The following CFH variants were observed in gnomAD, a reference collection of about 807,000 sequenced individuals.
CFH encodes the protein complement factor H, also known as H factor 1 (complement).
CFH carries 53 observed loss-of-function variants against 147.3 expected under a neutral mutation model. That is an observed-to-expected ratio of 0.36 (90% confidence interval 0.29 to 0.45). The LOEUF (loss-of-function observed/expected upper bound fraction) is 0.45. Ranked by LOEUF, CFH falls within the 20% of genes least tolerant of loss-of-function variation. CFH has a pLI of 1.00. For synonymous variants in CFH, 536 were observed against 489.4 expected (o/e 1.10, Z -1.26); for missense variants, 1,380 against 1,498.0 (o/e 0.92, Z 1.30).
intron 6 of CFH, among the ~76,000 whole-genome samples, chr1:196,682,594 AG>A (rs970644051): frequency 9.9e-5 from 15 of 151,564 alleles, no homozygotes; most frequent in Admixed American, 7.9e-4. Context: ...CTATATCATA[AG>A]GAAAAATAAT....
intron 11 of CFH, among the ~76,000 whole-genome samples, chr1:196,723,262 T>C (rs1009837038): frequency 2.0e-5 from 3 of 152,136 alleles, no homozygotes; most frequent in Non-Finnish European, 2.9e-5. Context: ...TTTGAGAATA[T>C]GACTACGATG....
In CFH at chr1:196,726,453, T is replaced by C. The variant is rs773670178; in HGVS notation, c.1874-17T>C. 3 of 1,572,826 alleles carry C rather than the reference T, an allele frequency of 1.9e-6. No homozygotes were observed. The highest frequency in any genetic ancestry group is 2.7e-5 in the African/African-American group (2 of 73,954). ...ACAGACAATTTAACCATTATTTACA[T>C]AGTATTTCTACTATAGAGCAAGTAC... On this transcript the variant is annotated splice_polypyrimidine_tract_variant and intron_variant, in intron 12 of 21. Transcript: ENST00000367429.
chr1:196,724,888 A>G (rs945316391), intron 11 of CFH, among the ~76,000 whole-genome samples: 5 of 152,202 alleles, frequency 3.3e-5, no homozygotes, highest in Non-Finnish European at 5.9e-5. Context: ...TTGAATTTAC[A>G]AATTAATTTT....
chr1:196,681,303 T>C (rs942573577), intron 6 of CFH, among the ~76,000 whole-genome samples: 2 of 151,824 alleles, frequency 1.3e-5, no homozygotes, highest in Admixed American at 6.6e-5. Flanking sequence ...GTAGCATTAC[T>C]ACCTCATTGT....
intron 6 of CFH, among the ~76,000 whole-genome samples, chr1:196,683,807 G>A (rs1229606598): frequency 1.3e-5 from 2 of 151,796 alleles, no homozygotes; most frequent in Admixed American, 6.6e-5. Context: ...CAATTGTTTT[G>A]TGTGAATGGA....
chr1:196,733,395 C>T (rs2284664), intron 15 of CFH, among the ~76,000 whole-genome samples: 29,928 of 151,846 alleles, frequency 0.2, 3,546 homozygotes, highest in East Asian at 0.39. Flanking sequence ...ATTTGCTTTA[C>T]GATCTATGGA....
At chr1:196,670,277 T>C (rs1490552543) in intron 1 of CFH, among the ~76,000 whole-genome samples, 3 of 152,112 alleles carry the variant, frequency 2.0e-5, no homozygotes, top group Non-Finnish European at 2.9e-5. Context: ...AGTTAAGACT[T>C]GGGGGGACTG....
chr1:196,675,537 G>A (rs1573011633), intron 3 of CFH, among the ~76,000 whole-genome samples: 1 of 152,126 alleles, frequency 6.6e-6, no homozygotes, highest in African/African-American at 2.4e-5. Context: ...AAGGTTAGTC[G>A]TTGGTTACTA....
chr1:196,669,466 T>G (rs1030653293), intron 1 of CFH, among the ~76,000 whole-genome samples: 9 of 152,176 alleles, frequency 5.9e-5, no homozygotes, highest in African/African-American at 2.2e-4. Context: ...TGGGCCCCAC[T>G]GCTGTATGCA....
intron 9 of CFH, among the ~76,000 whole-genome samples, chr1:196,694,577 C>T (rs776549739): frequency 6.6e-6 from 1 of 151,892 alleles, no homozygotes; most frequent in Non-Finnish European, 1.5e-5. Context: ...GAGGAGTTGC[C>T]ACACTGTCTT....
chr1:196,724,033 G>A (rs898650121), intron 11 of CFH, among the ~76,000 whole-genome samples: 7 of 152,094 alleles, frequency 4.6e-5, no homozygotes, highest in African/African-American at 1.7e-4. Context: ...CACCGCGTCT[G>A]CGTGTCTGCT....
intron 20 of CFH, among the ~76,000 whole-genome samples, chr1:196,744,032 G>C (rs1190688978): frequency 9.2e-5 from 14 of 152,222 alleles, no homozygotes; most frequent in Non-Finnish European, 2.1e-4. Context: ...TATATTTAAA[G>C]GTGTGTGACT....
At chr1:196,719,638 A>G (rs574831606) in intron 11 of CFH, among the ~76,000 whole-genome samples, 1 of 151,926 alleles carries the variant, frequency 6.6e-6, no homozygotes, top group Admixed American at 6.6e-5. Context: ...TAAGTTAGCA[A>G]GAAAGGAGGA....
intron 9 of CFH, among the ~76,000 whole-genome samples, chr1:196,698,735 A>G (rs946028513): frequency 3.9e-5 from 6 of 152,192 alleles, no homozygotes; most frequent in Admixed American, 1.3e-4. Context: ...TGGAGCCAGC[A>G]TCATCCTGAT....
chr1:196,654,239 CTCTGT>C (rs1666604843), intron 1 of CFH, among the ~76,000 whole-genome samples: 1 of 152,052 alleles, frequency 6.6e-6, no homozygotes, highest in Non-Finnish European at 1.5e-5. Flanking sequence ...ATTACTTCTG[CTCTGT>C]TAAGAGTGAA....
At chr1:196,654,513 A>C (rs981543838) in intron 1 of CFH, among the ~76,000 whole-genome samples, 7 of 152,172 alleles carry the variant, frequency 4.6e-5, no homozygotes, top group African/African-American at 7.2e-5. Flanking sequence ...AAAGTTTAAA[A>C]TAACAGTTTC....
chr1:196,673,697 G>C (rs756918320), intron 2 of CFH, among the ~76,000 whole-genome samples, 160 bp from the exon 3 acceptor site: 2 of 152,100 alleles, frequency 1.3e-5, no homozygotes, highest in African/African-American at 4.8e-5. Context: ...CAAGCATATA[G>C]TTTAAGTTCA....
chr1:196,724,601 C>T (rs943812424), intron 11 of CFH, among the ~76,000 whole-genome samples: 1 of 152,126 alleles, frequency 6.6e-6, no homozygotes, highest in Non-Finnish European at 1.5e-5. Flanking sequence ...TTTTTCCATG[C>T]TTTGGCTTCT....
chr1:196,663,920 C>T (rs139080040), intron 1 of CFH, among the ~76,000 whole-genome samples: 1 of 152,278 alleles, frequency 6.6e-6, no homozygotes, highest in African/African-American at 2.4e-5. Flanking sequence ...TGAATGCCCA[C>T]AGTGCAGAAA....
Sources: allele counts gnomAD v4.1 joint callset (sites outside exome capture counted in the v4.1 genomes callset), GRCh38; gene constraint gnomAD v4.1.1; transcripts MANE v1.5; gene names NCBI Gene and HGNC (gene_info 2026-07-23, HGNC 2026-07-21).